GTF2E1: variants seen among roughly 807,000 people sequenced by gnomAD.
GTF2E1 encodes the protein TFIIE alpha subunit.
Under a neutral mutation model 34.9 loss-of-function variants are expected in GTF2E1, and 14 were observed. That is an observed-to-expected ratio of 0.40 (90% CI 0.27 to 0.63). GTF2E1 has a LOEUF of 0.63. Ranked by LOEUF, GTF2E1 falls within the 20% of genes least tolerant of loss-of-function variation. The pLI is 0.39. For missense variants in GTF2E1, 469 were observed against 557.7 expected, an observed-to-expected ratio of 0.84 and a Z score of 1.60; for synonymous variants, 188 against 192.9, an observed-to-expected ratio of 0.97 and a Z score of 0.21.
chr3:120,767,850 A>G (rs1442177305), intron 2 of GTF2E1, among the ~76,000 whole-genome samples: 3 of 151,952 alleles, frequency 2.0e-5, no homozygotes, highest in Non-Finnish European at 4.4e-5. Context: ...TTTTCCCCCT[A>G]TTCTTTTTCA....
chr3:120,779,033 A>G (rs1709425500), intron 4 of GTF2E1, among the ~76,000 whole-genome samples: 2 of 152,120 alleles, frequency 1.3e-5, no homozygotes, highest in South Asian at 4.1e-4. Flanking sequence ...TCTTCTTTGT[A>G]ATTTATAACT....
chr3:120,766,625 A>G (rs1286231690), intron 2 of GTF2E1, among the ~76,000 whole-genome samples: 1 of 151,992 alleles, frequency 6.6e-6, no homozygotes. Flanking sequence ...TGTCTCTCAA[A>G]AAGGTTTACC....
In GTF2E1 at chr3:120,776,600, G is replaced by A; in HGVS notation, c.828G>A (p.Glu276=). The A allele has an allele frequency of 6.2e-7, 1 of 1,613,744 alleles. No homozygotes were observed. The highest frequency in any genetic ancestry group is 1.7e-5 in the Admixed American group (1 of 60,014). The change falls in exon 4 of 5, where the codon GAG becomes GAA. Residue 276 remains glutamate, a synonymous_variant. Coordinates refer to ENST00000283875, the MANE Select transcript of GTF2E1 (RefSeq NM_005513.3). The stretch of plus-strand genomic sequence containing the variant: ...CACTGGAAGGGAAATCTGCCAAAGA[G>A]AGGCCTATTTGGTTGAGAGAAAGCA... The part of the protein sequence containing the change: ...RASLEGKSAK[E]RPIWLRESTV...
At chr3:120,775,468 G>A (rs1709391457) in intron 3 of GTF2E1, among the ~76,000 whole-genome samples, 1 of 152,160 alleles carries the variant, frequency 6.6e-6, no homozygotes, top group Non-Finnish European at 1.5e-5. Flanking sequence ...ATACGTAGAA[G>A]TTGAAGTGGA....
intron 2 of GTF2E1, among the ~76,000 whole-genome samples, chr3:120,753,329 A>G (rs1709181696): frequency 6.6e-6 from 1 of 152,140 alleles, no homozygotes; most frequent in African/African-American, 2.4e-5. Flanking sequence ...TTTCTGCTGT[A>G]ATAATTATGC....
chr3:120,780,201 T>G (rs1709434932), intron 4 of GTF2E1, among the ~76,000 whole-genome samples: 1 of 152,120 alleles, frequency 6.6e-6, no homozygotes, highest in Non-Finnish European at 1.5e-5. Context: ...TATCCATGAA[T>G]AAACAAGATA....
rs1274645586 is a variant in GTF2E1, at chr3:120,781,123, C to T, written c.973C>T (p.Leu325=). The change falls in exon 5 of 5, where the codon CTG becomes TTG. Residue 325 remains leucine, a synonymous_variant. Transcript: ENST00000283875. ...PDDNEEVMRA[L]LIHEKKTSSA... Reference sequence around the variant, plus strand: ...TGACAACGAAGAGGTCATGCGAGCACTGCTCATTCACGAGAAAAAGACTTC... The same window carrying T: ...TGACAACGAAGAGGTCATGCGAGCATTGCTCATTCACGAGAAAAAGACTTC... 6.2e-7 allele frequency: 1 copy of T among 1,614,102 alleles called. No individual in the cohort carries two copies. The highest frequency in any genetic ancestry group is 8.5e-7 in the Non-Finnish European group (1 of 1,179,968).
chr3:120,777,038 C>T (rs188755241), intron 4 of GTF2E1, among the ~76,000 whole-genome samples: 18 of 152,226 alleles, frequency 1.2e-4, no homozygotes, highest in East Asian at 5.8e-4. Flanking sequence ...CAAAACTATA[C>T]GCTACCCCAA....
At chr3:120,771,337 C>G (rs183820963) in intron 3 of GTF2E1, among the ~76,000 whole-genome samples, 55 of 152,174 alleles carry the variant, frequency 3.6e-4, no homozygotes, top group African/African-American at 1.2e-3. Flanking sequence ...ATTTTAATCA[C>G]CTTTATTTCT....
intron 1 of GTF2E1, chr3:120,743,038 G>GGCCTCGGA (rs1176528580): frequency 6.2e-6 from 1 of 160,294 alleles, no homozygotes; most frequent in Non-Finnish European, 1.4e-5. Context: ...GGGAGTTTGG[G>GGCCTCGGA]GTCTCGGAGT....
chr3:120,780,002 T>C (rs1423824504), intron 4 of GTF2E1, among the ~76,000 whole-genome samples: 2 of 152,238 alleles, frequency 1.3e-5, no homozygotes, highest in African/African-American at 4.8e-5. Context: ...AGGTAAGATA[T>C]GTACACAAAA....
chr3:120,763,582 C>T (rs527264304), intron 2 of GTF2E1, among the ~76,000 whole-genome samples: 4 of 152,248 alleles, frequency 2.6e-5, no homozygotes, highest in African/African-American at 9.6e-5. Flanking sequence ...AGTTCTGCTT[C>T]TAGCTACTTA....
At chr3:120,745,303 A>G (rs917947931) in intron 1 of GTF2E1, among the ~76,000 whole-genome samples, 3 of 152,124 alleles carry the variant, frequency 2.0e-5, no homozygotes, top group Admixed American at 2.0e-4. Context: ...AAACCCCAAA[A>G]CTGTTGGATT....
intron 1 of GTF2E1, among the ~76,000 whole-genome samples, chr3:120,743,836 GGCAGAGGGT>G: frequency 6.6e-6 from 1 of 152,288 alleles, no homozygotes; most frequent in Non-Finnish European, 1.5e-5. Flanking sequence ...GTAGACAGAG[GGCAGAGGGT>G]GCCTTCTTTT....
At chr3:120,747,399 C>T (rs1011248244) in intron 1 of GTF2E1, among the ~76,000 whole-genome samples, 1 of 152,064 alleles carries the variant, frequency 6.6e-6, no homozygotes, top group African/African-American at 2.4e-5. Context: ...CCTCCCCGCT[C>T]CCTCCTCCCC....
intron 2 of GTF2E1, among the ~76,000 whole-genome samples, chr3:120,756,205 G>T (rs1289135627): frequency 6.6e-6 from 1 of 152,146 alleles, no homozygotes; most frequent in African/African-American, 2.4e-5. Context: ...CATGGTGATT[G>T]TACTAATTTA....
At chr3:120,780,314 T>C (rs1242992273) in intron 4 of GTF2E1, among the ~76,000 whole-genome samples, 1 of 151,948 alleles carries the variant, frequency 6.6e-6, no homozygotes, top group Admixed American at 6.6e-5. Context: ...GGGGGAAAAA[T>C]AGAGCATTGG....
At position 120,776,479 on chromosome 3, in the gene GTF2E1, G is replaced by A. The variant is rs144386700; in HGVS notation, c.707G>A (p.Arg236Gln). The A allele has an allele frequency of 1.1e-5, 18 of 1,613,530 alleles. No homozygotes were observed. The highest frequency in any genetic ancestry group is 2.7e-5 in the African/African-American group (2 of 74,892). Reference protein sequence around the residue: ...GAASLAGGHHREAWATKGPSY... With the variant: ...GAASLAGGHHQEAWATKGPSY... Reference sequence around the variant, plus strand: ...GCTAGCCTAGCAGGTGGGCACCACCGGGAAGCATGGGCCACCAAAGGTCCT... The same window carrying A: ...GCTAGCCTAGCAGGTGGGCACCACCAGGAAGCATGGGCCACCAAAGGTCCT... Residue 236 changes from arginine to glutamine, a missense_variant, in exon 4 of 5, where the codon CGG (arginine) becomes CAG (glutamine). Coordinates refer to ENST00000283875, the MANE Select transcript of GTF2E1 (RefSeq NM_005513.3).
intron 1 of GTF2E1, among the ~76,000 whole-genome samples, chr3:120,746,315 C>G (rs1486021732): frequency 6.6e-6 from 1 of 151,880 alleles, no homozygotes; most frequent in Non-Finnish European, 1.5e-5. Flanking sequence ...ATGGTGAAAC[C>G]CTGTCTCTAC....
Sources: gnomAD v4.1 joint callset for allele counts (sites outside exome capture counted in the v4.1 genomes callset) on GRCh38, gnomAD v4.1.1 for gene constraint, MANE v1.5 for transcripts, NCBI Gene and HGNC (gene_info 2026-07-23, HGNC 2026-07-21) for gene names.